PDE4D: variants seen among roughly 807,000 people sequenced by gnomAD.
PDE4D encodes the protein phosphodiesterase 4D.
PDE4D carries 24 observed loss-of-function variants against 87.4 expected under a neutral mutation model. That is an observed-to-expected ratio of 0.27 (90% CI 0.20 to 0.39). The LOEUF (loss-of-function observed/expected upper bound fraction) is 0.39. Ranked by LOEUF, PDE4D falls within the 10% of genes least tolerant of loss-of-function variation. The pLI is 1.00. For synonymous variants in PDE4D, 384 were observed against 383.2 expected (o/e 1.00, Z -0.02); for missense variants, 714 against 1,041.0 (o/e 0.69, Z 4.32).
chr5:60,194,244 C>G lies in PDE4D; in HGVS notation c.-89-8557G>C, dbSNP rs116465791. On this transcript the variant is annotated intron_variant, in intron 1 of 16. Transcript: ENST00000502484. ...TCCTTCCACACTTAAACTACTTTCT[C>G]TAAAGATCCTAGACCTCCATATCAC... is the stretch of plus-strand genomic sequence containing the variant. Among the ~76,000 whole-genome samples, 586 of 151,750 alleles carry G rather than the reference C, an allele frequency of 3.9e-3. 6 individuals carry two copies. Among genetic ancestry groups the G allele is most frequent in the African/African-American group, 0.013 (554 of 41,486 alleles).
intron 5 of PDE4D, among the ~76,000 whole-genome samples, chr5:59,096,791 G>A (rs1020172075): frequency 6.6e-6 from 1 of 152,166 alleles, no homozygotes; most frequent in African/African-American, 2.4e-5. Flanking sequence ...CTCATGAAGT[G>A]TTCTAATTGA....
intron 1 of PDE4D, among the ~76,000 whole-genome samples, chr5:59,887,527 G>A (rs1443969289): frequency 6.6e-6 from 1 of 152,176 alleles, no homozygotes; most frequent in African/African-American, 2.4e-5. Flanking sequence ...TAAACCTGTA[G>A]ATGGATAATA....
intron 6 of PDE4D, among the ~76,000 whole-genome samples, chr5:59,016,351 GTT>G (rs11413820): frequency 0.033 from 3,464 of 105,466 alleles, 53 homozygotes; most frequent in Middle Eastern, 0.099. Flanking sequence ...TCATATCACA[GTT>G]TTTTTTTTTT....
intron 1 of PDE4D, among the ~76,000 whole-genome samples, chr5:60,329,915 C>T (rs1282255697): frequency 6.6e-6 from 1 of 152,120 alleles, no homozygotes; most frequent in Non-Finnish European, 1.5e-5. Context: ...ACATAATAGC[C>T]ATTAATGGTG....
At chr5:59,471,109 G>C (rs1802369843) in intron 1 of PDE4D, among the ~76,000 whole-genome samples, 1 of 152,106 alleles carries the variant, frequency 6.6e-6, no homozygotes, top group South Asian at 2.1e-4. Context: ...GCCAGGAATG[G>C]TGGCATGCAT....
chr5:60,316,101 G>T (rs1251663778), intron 1 of PDE4D, among the ~76,000 whole-genome samples: 1 of 152,158 alleles, frequency 6.6e-6, no homozygotes, highest in Non-Finnish European at 1.5e-5. Flanking sequence ...TCATGATACT[G>T]ATTCTTCCTA....
chr5:60,452,468 A>G (rs910803644), intron 1 of PDE4D, among the ~76,000 whole-genome samples: 1 of 152,120 alleles, frequency 6.6e-6, no homozygotes, highest in African/African-American at 2.4e-5. Flanking sequence ...AAGACAATGT[A>G]TGTCTTATCT....
At chr5:60,417,950 T>C (rs1357259102) in intron 1 of PDE4D, among the ~76,000 whole-genome samples, 1 of 152,052 alleles carries the variant, frequency 6.6e-6, no homozygotes, top group African/African-American at 2.4e-5. Flanking sequence ...CCAAATTTCA[T>C]AACAATGAGT....
At chr5:59,269,216 G>A (rs10075364) in intron 1 of PDE4D, among the ~76,000 whole-genome samples, 19,635 of 151,980 alleles carry the variant, frequency 0.13, 1,430 homozygotes, top group African/African-American at 0.19. Context: ...CAAAAGAAGC[G>A]TCTTGCTTCT....
chr5:59,139,831 C>T (rs59378572), intron 5 of PDE4D, among the ~76,000 whole-genome samples: 6,084 of 152,030 alleles, frequency 0.04, 351 homozygotes, highest in African/African-American at 0.13. Context: ...AAAAAACTGT[C>T]GTGTGGAGGA....
chr5:59,477,435 TA>T (rs1241274910), intron 1 of PDE4D, among the ~76,000 whole-genome samples: 2 of 148,954 alleles, frequency 1.3e-5, no homozygotes, highest in African/African-American at 4.9e-5. Flanking sequence ...AGGGCTAAAA[TA>T]AAAGTGTATG....
chr5:59,262,932 T>A (rs1438355033), intron 1 of PDE4D, among the ~76,000 whole-genome samples: 1 of 151,776 alleles, frequency 6.6e-6, no homozygotes, highest in African/African-American at 2.4e-5. Flanking sequence ...AAGTATATAT[T>A]TTAGAATGGG....
intron 1 of PDE4D, among the ~76,000 whole-genome samples, chr5:60,418,257 T>C (rs1742789170): frequency 6.6e-6 from 1 of 152,208 alleles, no homozygotes; most frequent in South Asian, 2.1e-4. Context: ...GACTGTGCAT[T>C]TGAAAGACAC....
intron 1 of PDE4D, among the ~76,000 whole-genome samples, chr5:59,342,964 A>G (rs924565518): frequency 4.8e-5 from 5 of 104,602 alleles, no homozygotes; most frequent in Non-Finnish European, 9.5e-5. Flanking sequence ...TCTCTTAGAA[A>G]TTTTCTTTTT....
chr5:60,269,288 C>CA (rs1294437475), intron 1 of PDE4D, among the ~76,000 whole-genome samples: 1 of 152,204 alleles, frequency 6.6e-6, no homozygotes, highest in Non-Finnish European at 1.5e-5. Flanking sequence ...GCCTGGGCAA[C>CA]AGAGCAAGAC....
At chr5:60,370,139 C>T (rs1301950732) in intron 1 of PDE4D, among the ~76,000 whole-genome samples, 1 of 152,120 alleles carries the variant, frequency 6.6e-6, no homozygotes, top group Admixed American at 6.5e-5. Context: ...GGCCAGAAAG[C>T]AGCTCCCCTA....
At chr5:59,532,358 G>A (rs1248171021) in intron 1 of PDE4D, among the ~76,000 whole-genome samples, 2 of 152,016 alleles carry the variant, frequency 1.3e-5, no homozygotes, top group African/African-American at 2.4e-5. Context: ...GGCTGGTCTT[G>A]AACTCCTGAC....
intron 1 of PDE4D, among the ~76,000 whole-genome samples, chr5:59,296,492 T>C (rs146721773): frequency 1.5e-3 from 235 of 152,292 alleles, no homozygotes; most frequent in Non-Finnish European, 2.4e-3. Flanking sequence ...ATGAGTAATT[T>C]TGTTACATAA....
At position 59,613,521 on chromosome 5, in the gene PDE4D, G is replaced by A. The variant is rs111484691; in HGVS notation, c.455+279647C>T. ...CAGAAGGAGGACAGAAGACTGCAAG[G>A]ACTAAGCTTGGGACATGTCCATGCT... On this transcript the variant is annotated intron_variant, in intron 1 of 14. Transcript: ENST00000340635. 2.2e-3 allele frequency among the ~76,000 whole-genome samples: 332 copies of A among 152,294 alleles called. 1 individual carries two copies. Among genetic ancestry groups the A allele is most frequent in the African/African-American group, 7.6e-3 (314 of 41,564 alleles).
Sources: allele counts gnomAD v4.1 joint callset (sites outside exome capture counted in the v4.1 genomes callset), GRCh38; gene constraint gnomAD v4.1.1; transcripts MANE v1.5; gene names NCBI Gene and HGNC (gene_info 2026-07-23, HGNC 2026-07-21).